The following ST6GALNAC3 variants were observed in gnomAD, a reference collection of about 807,000 sequenced individuals.
ST6GALNAC3 encodes alpha-N-acetylgalactosaminide alpha-2,6-sialyltransferase 3.
In ST6GALNAC3, 25 loss-of-function variants were observed where a neutral mutation model predicts 32.7. That is an observed-to-expected ratio of 0.76 (90% CI 0.56 to 1.07). The LOEUF is 1.07. ST6GALNAC3 is among the 50% of genes least tolerant of loss of function. The probability of loss-of-function intolerance (pLI) is 0.00; values close to 1 mark genes in which losing one functional copy is unlikely to be tolerated. For synonymous variants in ST6GALNAC3, 129 were observed against 133.1 expected, an observed-to-expected ratio of 0.97 and a Z score of 0.21; for missense variants, 355 against 382.4, an observed-to-expected ratio of 0.93 and a Z score of 0.60.
intron 1 of ST6GALNAC3, among the ~76,000 whole-genome samples, chr1:76,310,679 G>A (rs144327052): frequency 1.5e-4 from 23 of 152,298 alleles, no homozygotes; most frequent in African/African-American, 5.1e-4. Flanking sequence ...TAATTCCACC[G>A]GGTAGTGGTA....
At chr1:76,099,153 G>GT (rs926600943) in intron 1 of ST6GALNAC3, among the ~76,000 whole-genome samples, 43 of 152,212 alleles carry the variant, frequency 2.8e-4, no homozygotes, top group African/African-American at 9.4e-4. Flanking sequence ...TCACACTGTA[G>GT]TTTTTTATGA....
rs765323885 is a variant in ST6GALNAC3 at position 76,243,295 on chromosome 1, G to C, written c.19-70510G>C. Among the ~76,000 whole-genome samples, 83 of 151,912 alleles carry C rather than the reference G, an allele frequency of 5.5e-4. 1 individual carries two copies. The highest frequency in any genetic ancestry group is 2.4e-4 in the Non-Finnish European group (16 of 67,990). ...CATATCCTTCGCCCACTTTTTGATG[G>C]GGTTGTCTGTTTTTTTCTTGTAAAT... On this transcript the variant is annotated intron_variant, in intron 1 of 4. Coordinates refer to ENST00000328299, the MANE Select transcript of ST6GALNAC3 (RefSeq NM_152996.4).
chr1:76,251,514 C>T (rs1034340466), intron 1 of ST6GALNAC3, among the ~76,000 whole-genome samples: 2 of 152,078 alleles, frequency 1.3e-5, no homozygotes, highest in Non-Finnish European at 2.9e-5. Context: ...TCACTGTTCT[C>T]TCCTCACATC....
At chr1:76,599,193 T>C (rs315048) in intron 3 of ST6GALNAC3, among the ~76,000 whole-genome samples, 27,869 of 151,180 alleles carry the variant, frequency 0.18, 3,605 homozygotes, top group African/African-American at 0.36. Flanking sequence ...TTTTCTTATG[T>C]ATACAAATAA....
At chr1:76,362,140 A>G (rs1413268437) in intron 2 of ST6GALNAC3, among the ~76,000 whole-genome samples, 1 of 152,086 alleles carries the variant, frequency 6.6e-6, no homozygotes, top group African/African-American at 2.4e-5. Flanking sequence ...TAATAATGGA[A>G]GACAAAAAGG....
intron 3 of ST6GALNAC3, among the ~76,000 whole-genome samples, chr1:76,562,677 C>T (rs1665313982): frequency 6.6e-6 from 1 of 152,188 alleles, no homozygotes; most frequent in Admixed American, 6.5e-5. Flanking sequence ...TCTGCAACAT[C>T]TACCCATTGT....
intron 1 of ST6GALNAC3, among the ~76,000 whole-genome samples, chr1:76,156,780 G>C (rs994929614): frequency 6.6e-6 from 1 of 152,144 alleles, no homozygotes; most frequent in African/African-American, 2.4e-5. Flanking sequence ...CGCCCAGGCT[G>C]GAGTACAGTG....
intron 3 of ST6GALNAC3, among the ~76,000 whole-genome samples, chr1:76,568,111 T>C (rs1282867545): frequency 2.0e-5 from 3 of 152,186 alleles, no homozygotes; most frequent in African/African-American, 7.2e-5. Flanking sequence ...CCTGGTTAAC[T>C]CACCGGGGGC....
At chr1:76,394,124 G>A (rs1413234827) in intron 2 of ST6GALNAC3, among the ~76,000 whole-genome samples, 3 of 152,132 alleles carry the variant, frequency 2.0e-5, no homozygotes, top group African/African-American at 7.2e-5. Context: ...TCTTGGATAA[G>A]TAATAAATGC....
At chr1:76,525,751 GTA>G (rs1188357999) in intron 3 of ST6GALNAC3, among the ~76,000 whole-genome samples, 3,273 of 119,316 alleles carry the variant, frequency 0.027, 212 homozygotes, top group South Asian at 0.06. Context: ...ATATATATGT[GTA>G]TATATGTGTA....
chr1:76,298,887 T>C (rs976342836), intron 1 of ST6GALNAC3, among the ~76,000 whole-genome samples: 3 of 151,984 alleles, frequency 2.0e-5, no homozygotes, highest in African/African-American at 7.2e-5. Context: ...ATTGCATGTG[T>C]TTGCCTCCGT....
intron 3 of ST6GALNAC3, among the ~76,000 whole-genome samples, chr1:76,611,488 T>C (rs1379409859): frequency 6.6e-6 from 1 of 152,106 alleles, no homozygotes; most frequent in Non-Finnish European, 1.5e-5. Flanking sequence ...ACATGTATAG[T>C]AGAGGAAAAT....
At chr1:76,393,191 A>G (rs1257477466) in intron 2 of ST6GALNAC3, among the ~76,000 whole-genome samples, 1 of 152,250 alleles carries the variant, frequency 6.6e-6, no homozygotes, top group African/African-American at 2.4e-5. Context: ...CTAAGAAACA[A>G]AACCCAATGC....
At chr1:76,178,239 G>T (rs568108169) in intron 1 of ST6GALNAC3, among the ~76,000 whole-genome samples, 8 of 152,260 alleles carry the variant, frequency 5.3e-5, no homozygotes, top group Admixed American at 1.3e-4. Flanking sequence ...TCCCCACCAG[G>T]GTAAGCCATT....
chr1:76,297,856 A>T (rs1201963073), intron 1 of ST6GALNAC3, among the ~76,000 whole-genome samples: 1 of 152,006 alleles, frequency 6.6e-6, no homozygotes, highest in African/African-American at 2.4e-5. Flanking sequence ...TTCTCTATCT[A>T]TCTGTCTATT....
chr1:76,287,434 T>C (rs980313024), intron 1 of ST6GALNAC3, among the ~76,000 whole-genome samples: 1 of 148,840 alleles, frequency 6.7e-6, no homozygotes, highest in Non-Finnish European at 1.5e-5. Context: ...GAGTGTGGGA[T>C]GGTGCACAAA....
intron 1 of ST6GALNAC3, among the ~76,000 whole-genome samples, chr1:76,207,966 C>T (rs372367191): frequency 1.5e-4 from 23 of 152,202 alleles, no homozygotes; most frequent in African/African-American, 5.6e-4. Context: ...ACAAGAGGAA[C>T]CAGGCCCTGA....
At chr1:76,358,537 T>C (rs1649677155) in intron 2 of ST6GALNAC3, among the ~76,000 whole-genome samples, 1 of 152,134 alleles carries the variant, frequency 6.6e-6, no homozygotes, top group African/African-American at 2.4e-5. Context: ...ATAGATCATT[T>C]CCTCATATAG....
intron 3 of ST6GALNAC3, among the ~76,000 whole-genome samples, chr1:76,590,873 A>G (rs1647037019): frequency 6.6e-6 from 1 of 152,192 alleles, no homozygotes; most frequent in Admixed American, 6.6e-5. Context: ...GTTATTATGA[A>G]TATTAAAGTA....
Sources: allele counts gnomAD v4.1 joint callset (sites outside exome capture counted in the v4.1 genomes callset), GRCh38; gene constraint gnomAD v4.1.1; transcripts MANE v1.5; gene names NCBI Gene and HGNC (gene_info 2026-07-23, HGNC 2026-07-21).